Variants in LDB3 observed in about 807,000 individuals in gnomAD.
The protein encoded by LDB3 is LIM domain-binding protein 3.
In LDB3, 49 loss-of-function variants were observed where a neutral mutation model predicts 69.0. The ratio of observed to expected loss-of-function variants is 0.71; its 90% CI spans 0.56 to 0.90. LDB3 has a LOEUF of 0.90. Among genes scored for constraint, LDB3 ranks in the 40% least tolerant of loss-of-function variants. The pLI, the probability that LDB3 is intolerant of heterozygous loss-of-function variation, is 0.00. For synonymous variants in LDB3, 387 were observed against 396.2 expected (o/e 0.98, Z 0.28); for missense variants, 928 against 974.1 (o/e 0.95, Z 0.63).
At chr10:86,692,404 G>A (rs1845809039) in intron 6 of LDB3, 131 bp from the exon 7 acceptor site, 1 of 953,600 alleles carries the variant, frequency 1.0e-6, no homozygotes, top group East Asian at 2.4e-5. Context: ...CCAGCACACA[G>A]TGGACAGGCA....
At position 86,726,146 on chromosome 10, in the gene LDB3, A is replaced by G. The variant is rs1372117392; in HGVS notation, c.1988A>G (p.Asn663Ser). Reference sequence around the variant, plus strand: ...CTGCTTTTCATTTCAGACTACATCAATCTGTTCAGCACCAAGTGCCATGGC... The same window carrying G: ...CTGCTTTTCATTTCAGACTACATCAGTCTGTTCAGCACCAAGTGCCATGGC... ...GEPYCEKDYI[N>S]LFSTKCHGCD... is the part of the protein sequence containing the mutation. Residue 663 changes from asparagine to serine, a missense_variant, in exon 13 of 14, where the codon AAT becomes AGT. By Grantham distance (46) the Asn-to-Ser change is conservative. Coordinates refer to ENST00000361373, the MANE Select transcript of LDB3 (RefSeq NM_007078.3). 4 of 1,613,460 alleles carry G rather than the reference A, an allele frequency of 2.5e-6. No individual in the cohort carries two copies. The highest frequency in any genetic ancestry group is 3.4e-6 in the Non-Finnish European group (4 of 1,179,712).
rs2132457732 is a variant in LDB3 at position 86,706,399 on chromosome 10, A to G, written c.897-132A>G. 8.3e-6 allele frequency: 8 copies of G among 960,522 alleles called. No homozygotes were observed. The South Asian group carries it at 1.0e-4, about 13-fold the overall frequency. 59.5% of individuals were successfully genotyped at this position (960,522 alleles called of 1,614,324 possible). A position where few individuals can be genotyped will look rare whatever the true frequency, so the allele number is the denominator to read the frequency against. On this transcript the variant is annotated intron_variant, in intron 7 of 13. Coordinates refer to ENST00000361373, the MANE Select transcript of LDB3 (RefSeq NM_007078.3). ...GGAAGACACACCCTCTGAGGATCCT[A>G]CTCTGTTTGCAAGGCAGGTGGAGCT... is the stretch of plus-strand genomic sequence containing the variant.
rs727505129 is a variant in LDB3 at position 86,732,956 on chromosome 10, G to A, written c.2164G>A (p.Ala722Thr). 6.2e-6 allele frequency: 10 copies of A among 1,613,476 alleles called. No individual in the cohort carries two copies. Among genetic ancestry groups the A allele is most frequent in the African/African-American group, 4.0e-5 (3 of 74,922 alleles). Residue 722 changes from alanine to threonine, a missense_variant, in exon 14 of 14, where the codon GCA becomes ACA. By Grantham distance (58) the Ala-to-Thr change is moderately conservative. Coordinates refer to ENST00000361373, the MANE Select transcript of LDB3 (RefSeq NM_007078.3). ...KKDRPLCKKHAHTINL is the reference protein window; with the variant it reads ...KKDRPLCKKHTHTINL ...GGACAGACCCCTGTGCAAGAAGCAC[G>A]CACACACCATCAACTTGTAGGCGGC...
chr10:86,668,544 C>G lies in LDB3; in HGVS notation c.-50C>G. ...GAGCCTCTCAAGAGCTCCACGCAGC[C>G]CGGCTGGGCAGCAAGGGACAGAACA... On this transcript the variant is annotated 5_prime_UTR_variant, in exon 1 of 14. Coordinates refer to ENST00000361373, the MANE Select transcript of LDB3 (RefSeq NM_007078.3). The G allele has an allele frequency of 1.4e-6, 1 of 731,406 alleles. No individual in the cohort carries two copies. The highest frequency in any genetic ancestry group is 1.4e-5 in the South Asian group (1 of 69,492). 45.3% of individuals were successfully genotyped at this position (731,406 alleles called of 1,614,324 possible). A position where few individuals can be genotyped will look rare whatever the true frequency, so the allele number is the denominator to read the frequency against.
Position 86,691,975 on chromosome 10 carries a change from G to C in LDB3, c.769G>C (p.Glu257Gln), listed in dbSNP as rs143996848. The C allele has an allele frequency of 3.0e-5, 48 of 1,614,114 alleles. No individual in the cohort carries two copies. In the African/African-American group the frequency reaches 5.7e-4, roughly 19 times the overall value. Residue 257 changes from glutamate (E) to glutamine (Q), a missense_variant, in exon 6 of 14, where the codon GAA becomes CAA. By Grantham distance (29) the Glu-to-Gln change is conservative. Coordinates refer to ENST00000361373, the MANE Select transcript of LDB3 (RefSeq NM_007078.3). ...QAVIKSQNKP[E>Q]DEADEWARRS... ...TGTGATTAAGAGCCAGAACAAGCCAGAAGATGAGGCTGACGAGTGGGCACG... is the reference window on the plus strand; with the variant it reads ...TGTGATTAAGAGCCAGAACAAGCCACAAGATGAGGCTGACGAGTGGGCACG...
intron 7 of LDB3, among the ~76,000 whole-genome samples, chr10:86,697,549 C>CT (rs71019409): frequency 0.014 from 1,158 of 83,874 alleles, 22 homozygotes; most frequent in African/African-American, 0.016. Flanking sequence ...TTCTTTCTTT[C>CT]TTTTTTTTTT....
chr10:86,715,310 C>A (rs1218000007), intron 9 of LDB3, among the ~76,000 whole-genome samples: 3 of 152,114 alleles, frequency 2.0e-5, no homozygotes, highest in African/African-American at 7.2e-5. Flanking sequence ...GAGGAGCAGA[C>A]TGAAATGTGG....
At chr10:86,706,812 T>C in intron 8 of LDB3, 93 bp downstream of exon 8, 1 of 1,379,650 alleles carries the variant, frequency 7.2e-7, no homozygotes, top group Non-Finnish European at 9.9e-7. Context: ...GTGTCCAAGG[T>C]AGTTAGGGCC....
intron 12 of LDB3, among the ~76,000 whole-genome samples, chr10:86,720,542 C>G (rs1321494237): frequency 6.6e-6 from 1 of 152,026 alleles, no homozygotes; most frequent in South Asian, 2.1e-4. Flanking sequence ...AAACAAGTCA[C>G]TTACTCTGTG....
At chr10:86,673,389 C>T (rs7895178) in intron 2 of LDB3, among the ~76,000 whole-genome samples, 43,216 of 152,078 alleles carry the variant, frequency 0.28, 7,144 homozygotes, top group East Asian at 0.46. Context: ...TGGGAGGCAG[C>T]GGCAGTGGGG....
At chr10:86,684,484 T>A (rs75578719) in intron 5 of LDB3, among the ~76,000 whole-genome samples, 2,148 of 152,372 alleles carry the variant, frequency 0.014, 62 homozygotes, top group African/African-American at 0.05. Flanking sequence ...CTGTCAGCAC[T>A]GGCCAAAAAT....
At chr10:86,678,760 T>G (rs1181742202) in intron 2 of LDB3, among the ~76,000 whole-genome samples, 1 of 152,164 alleles carries the variant, frequency 6.6e-6, no homozygotes, top group Non-Finnish European at 1.5e-5. Flanking sequence ...CTCACCTGCC[T>G]CCTGAGTAGC....
chr10:86,717,788 T>C lies in LDB3; in HGVS notation c.1677-176T>C, dbSNP rs1370075109. ...TCCTGATTTTCTTTATTGTAAGTGATGCAACAATGAACACCTTTCTGCATG... is the reference window on the plus strand; with the variant it reads ...TCCTGATTTTCTTTATTGTAAGTGACGCAACAATGAACACCTTTCTGCATG... On this transcript the variant is annotated intron_variant, in intron 10 of 13. Coordinates refer to ENST00000361373, the MANE Select transcript of LDB3 (RefSeq NM_007078.3). 2.0e-5 allele frequency among the ~76,000 whole-genome samples: 3 copies of C among 152,244 alleles called. No individual in the cohort carries two copies. In the East Asian group the frequency reaches 5.8e-4, roughly 29 times the overall value.
intron 12 of LDB3, among the ~76,000 whole-genome samples, chr10:86,724,665 G>A (rs1847199053): frequency 6.6e-6 from 1 of 151,198 alleles, no homozygotes; most frequent in Middle Eastern, 3.4e-3. Context: ...AAATAAATAG[G>A]GAATATTATC....
chr10:86,678,444 A>G (rs1233198405), intron 2 of LDB3, among the ~76,000 whole-genome samples: 2 of 149,946 alleles, frequency 1.3e-5, no homozygotes, highest in Non-Finnish European at 1.5e-5. Context: ...GGTTCAAGCA[A>G]TTCTCCTGCC....
rs749062920 is a variant in LDB3 at position 86,726,271 on chromosome 10, G to A, written c.2094+19G>A. The A allele has an allele frequency of 6.2e-6, 10 of 1,603,434 alleles. No individual in the cohort carries two copies. Among genetic ancestry groups the A allele is most frequent in the South Asian group, 1.1e-5 (1 of 90,782 alleles). On this transcript the variant is annotated intron_variant, in intron 13 of 13. Transcript: ENST00000361373. ...TTGCGCAGTATGTCTCTAGCTTGGG[G>A]CTCTGGCTTTCTGAGAAGAGGCAGG...
chr10:86,699,069 C>T lies in LDB3; in HGVS notation c.896+6498C>T, dbSNP rs528848397. On this transcript the variant is annotated intron_variant, in intron 7 of 13. Coordinates refer to ENST00000361373, the MANE Select transcript of LDB3 (RefSeq NM_007078.3). This position sits in a 1 kb window ranked among gnomAD's most constrained non-coding sequence, Gnocchi z 4.9. The stretch of plus-strand genomic sequence containing the variant: ...CCCAAGACTCTCGGTCTTCCCCTAA[C>T]CCAGGCCTGACCTGGGTTACAATGT... Among the ~76,000 whole-genome samples the T allele has an allele frequency of 2.6e-5, 4 of 152,220 alleles. No homozygotes were observed. Among genetic ancestry groups the T allele is most frequent in the South Asian group, 2.1e-4 (1 of 4,822 alleles).
intron 12 of LDB3, among the ~76,000 whole-genome samples, chr10:86,719,648 G>A (rs528032608): frequency 1.3e-5 from 2 of 152,278 alleles, no homozygotes; most frequent in East Asian, 3.9e-4. Flanking sequence ...ACCAGAGAAG[G>A]CGTGTAGAGC....
chr10:86,716,432 C>A lies in LDB3; in HGVS notation c.1337C>A (p.Thr446Asn), dbSNP rs200476126. Reference protein sequence around the residue: ...AYTPSPAPAYTPSPVPTYTPS... With the variant: ...AYTPSPAPAYNPSPVPTYTPS... ...ACCCCCTCCCCTGCCCCTGCCTACA[C>A]CCCCTCACCTGTCCCCACCTACACT... The change falls in exon 10 of 14, where the codon ACC becomes AAC. Residue 446 changes from threonine to asparagine, a missense_variant. Physicochemically the swap from Thr to Asn is moderately conservative, Grantham distance 65. Coordinates refer to ENST00000361373, the MANE Select transcript of LDB3 (RefSeq NM_007078.3). The A allele has an allele frequency of 2.4e-5, 37 of 1,564,766 alleles. No individual in the cohort carries two copies. The East Asian group carries it at 8.6e-4, about 36-fold the overall frequency.
Sources: gnomAD v4.1 joint callset for allele counts (sites outside exome capture counted in the v4.1 genomes callset) on GRCh38, gnomAD v4.1.1 for gene constraint, Gnocchi (gnomAD v3.1) non-coding constraint, MANE v1.5 for transcripts, NCBI Gene and HGNC (gene_info 2026-07-23, HGNC 2026-07-21) for gene names.